KIF15: variants seen among roughly 807,000 people sequenced by gnomAD.
The protein encoded by KIF15 is kinesin family member 15, also known as kinesin-like protein KIF15.
A neutral mutation model predicts 190.6 loss-of-function variants in KIF15; 140 were observed. The observed-to-expected ratio is 0.73, with a 90% CI of 0.64 to 0.84. KIF15 has a LOEUF of 0.84. Among genes scored for constraint, KIF15 ranks in the 40% least tolerant of loss-of-function variants. The probability of loss-of-function intolerance (pLI) is 0.00; values close to 1 mark genes in which losing one functional copy is unlikely to be tolerated. For missense variants in KIF15, 1,372 were observed against 1,584.4 expected (o/e 0.87, Z 2.28); for synonymous variants, 528 against 551.3 (o/e 0.96, Z 0.59).
chr3:44,829,997 G>A lies in KIF15; in HGVS notation c.2970G>A (p.Gln990=). 6.3e-7 allele frequency: 1 copy of A among 1,594,606 alleles called. No individual in the cohort carries two copies. Among genetic ancestry groups the A allele is most frequent in the Non-Finnish European group, 8.5e-7 (1 of 1,172,338 alleles). The change falls in exon 25 of 35, where the codon CAG becomes CAA. Residue 990 remains glutamine (Q), a synonymous_variant. Coordinates refer to ENST00000326047, the MANE Select transcript of KIF15 (RefSeq NM_020242.3). ...AAGTTGTAGCTGACCTCATGAACCAGATCCAGGAGCTAAGAACATCGGTCT... is the reference window on the plus strand; with the variant it reads ...AAGTTGTAGCTGACCTCATGAACCAAATCCAGGAGCTAAGAACATCGGTCT... ...DKKVVADLMN[Q]IQELRTSVCE...
intron 30 of KIF15, among the ~76,000 whole-genome samples, chr3:44,845,526 AG>A (rs1698807967): frequency 6.6e-6 from 1 of 152,050 alleles, no homozygotes; most frequent in African/African-American, 2.4e-5. Context: ...TAAAAAAAAA[AG>A]AAAGAAAGAA....
At chr3:44,856,580 T>C (rs2125736121), downstream of KIF15, among the ~76,000 whole-genome samples, 1 of 152,066 alleles carries the variant, frequency 6.6e-6, no homozygotes, top group South Asian at 2.1e-4. Flanking sequence ...AGTGGGAAAG[T>C]AGGTGGGAGT....
downstream of KIF15, among the ~76,000 whole-genome samples, chr3:44,857,625 C>T (rs901283393): frequency 2.0e-5 from 3 of 152,124 alleles, no homozygotes; most frequent in East Asian, 1.9e-4. Context: ...TCTATAGGGT[C>T]GGCTAGATTT....
chr3:44,851,745 T>A, intron 32 of KIF15, 42 bp from the exon 33 acceptor site: 3 of 1,514,380 alleles, frequency 2.0e-6, no homozygotes, highest in African/African-American at 2.8e-5. Flanking sequence ...TTTATGATTA[T>A]GTTTCTTTCA....
chr3:44,865,441 G>A (rs1699310842), intron 6 of KIF15: 1 of 466,718 alleles, frequency 2.1e-6, no homozygotes, highest in South Asian at 3.8e-5. Context: ...CTTCGCAGAT[G>A]CTGGAGATCC....
intron 11 of KIF15, 50 bp from the exon 12 acceptor site, chr3:44,801,400 T>C: frequency 9.2e-7 from 1 of 1,091,232 alleles, no homozygotes; most frequent in Admixed American, 1.9e-5. Flanking sequence ...GGTTTTGCAA[T>C]GTGATAAATA....
In KIF15 at chr3:44,761,796, TCG is replaced by T; in HGVS notation, c.-63_-62del. 1 of 1,610,354 alleles carries T rather than the reference TCG, an allele frequency of 6.2e-7. No homozygotes were observed. Among genetic ancestry groups the T allele is most frequent in the Non-Finnish European group, 8.5e-7 (1 of 1,176,678 alleles). ...GCCATCTTGAGCGGGCGGAATTCAG[TCG>T]CGCGCGGTGCAGTCGGGAGGTGGAG... On this transcript the variant is annotated 5_prime_UTR_variant, in exon 1 of 35. Transcript: ENST00000326047.
intron 19 of KIF15, among the ~76,000 whole-genome samples, chr3:44,813,611 T>G (rs958399176): frequency 4.8e-4 from 71 of 148,818 alleles, no homozygotes; most frequent in African/African-American, 1.0e-3. Flanking sequence ...GGTCATTTTT[T>G]TTTTGTTTTG....
At chr3:44,767,159 G>A (rs1360626273) in intron 1 of KIF15, among the ~76,000 whole-genome samples, 2 of 152,136 alleles carry the variant, frequency 1.3e-5, no homozygotes, top group Middle Eastern at 3.4e-3. Context: ...TGGGTCAGTG[G>A]AATTCCTCAT....
intron 33 of KIF15, 25 bp downstream of exon 33, chr3:44,851,977 A>G: frequency 1.2e-6 from 2 of 1,602,220 alleles, no homozygotes; most frequent in South Asian, 1.1e-5. Context: ...TGGTGTTTTC[A>G]TGATACTTAG....
intron 20 of KIF15, among the ~76,000 whole-genome samples, chr3:44,821,091 A>C (rs1295394276): frequency 5.8e-4 from 55 of 94,194 alleles, no homozygotes; most frequent in South Asian, 7.6e-4. Flanking sequence ...GACCCCCCCC[A>C]CCTCCCTCCC....
chr3:44,828,737 G>A (rs1017464577), intron 24 of KIF15, among the ~76,000 whole-genome samples: 1 of 152,162 alleles, frequency 6.6e-6, no homozygotes, highest in Non-Finnish European at 1.5e-5. Context: ...CAAAACAAAT[G>A]ATTAAATGAA....
Position 44,830,916 on chromosome 3 carries a change from G to C in KIF15, c.3069G>C (p.Leu1023Phe). 1.2e-6 allele frequency: 2 copies of C among 1,613,760 alleles called. No individual in the cohort carries two copies. The highest frequency in any genetic ancestry group is 2.2e-5 in the South Asian group (2 of 91,028). ...TACAGTGCAAATACAACTCTGCTTT[G>C]GTTGACAGAGAAGAGAGCAGAGTGT... ...KDINCKYNSA[L>F]VDREESRVLI... Residue 1023 changes from leucine to phenylalanine, a missense_variant, in exon 26 of 35, where the codon TTG becomes TTC. Coordinates refer to ENST00000326047, the MANE Select transcript of KIF15 (RefSeq NM_020242.3).
chr3:44,775,338 A>G lies in KIF15; in HGVS notation c.147A>G (p.Leu49=), dbSNP rs770784938. Reference sequence around the variant, plus strand: ...GGTCAGCTGATGGAGAGCAGAACTTATGCTTATCTGTGCTGTCCTCCACGA... The same window carrying G: ...GGTCAGCTGATGGAGAGCAGAACTTGTGCTTATCTGTGCTGTCCTCCACGA... ...RSGSADGEQN[L]CLSVLSSTSL... is the part of the protein sequence containing the mutation. Residue 49 remains leucine, a synonymous_variant, in exon 3 of 35, where the codon TTA becomes TTG. Transcript: ENST00000326047. The G allele has an allele frequency of 3.7e-6, 6 of 1,614,052 alleles. No individual in the cohort carries two copies. The highest frequency in any genetic ancestry group is 1.1e-5 in the South Asian group (1 of 91,080).
At position 44,775,347 on chromosome 3, in the gene KIF15, T is replaced by A. The variant is rs1705824548; in HGVS notation, c.156T>A (p.Ser52=). The change falls in exon 3 of 35, where the codon TCT becomes TCA. Residue 52 remains serine, a synonymous_variant. Transcript: ENST00000326047. ...ATGGAGAGCAGAACTTATGCTTATCTGTGCTGTCCTCCACGAGTCTCCGGC... is the reference window on the plus strand; with the variant it reads ...ATGGAGAGCAGAACTTATGCTTATCAGTGCTGTCCTCCACGAGTCTCCGGC... The part of the protein sequence containing the change: ...SADGEQNLCL[S]VLSSTSLRLH... 2.3e-5 allele frequency: 37 copies of A among 1,614,096 alleles called. No homozygotes were observed. Among genetic ancestry groups the A allele is most frequent in the Non-Finnish European group, 3.0e-5 (35 of 1,179,956 alleles).
intron 7 of KIF15, among the ~76,000 whole-genome samples, chr3:44,790,956 C>T (rs544856672): frequency 6.6e-6 from 1 of 152,306 alleles, no homozygotes; most frequent in East Asian, 1.9e-4. Context: ...GCTGGGATTA[C>T]AGGCGCGAGC....
chr3:44,801,466 C>CT lies in KIF15; in HGVS notation c.1240dup (p.Tyr414LeufsTer13). The CT allele has an allele frequency of 6.4e-7, 1 of 1,568,986 alleles. No individual in the cohort carries two copies. The highest frequency in any genetic ancestry group is 1.1e-5 in the South Asian group (1 of 89,264). ...CAATTACAGACAAAAAGAAGACTAA[C>CT]TATATGGAGTATTTCCAGGAAGCAA... On this transcript the variant is annotated frameshift_variant, in exon 12 of 35. Transcript: ENST00000326047. LOFTEE classifies it high-confidence loss of function.
intron 7 of KIF15, among the ~76,000 whole-genome samples, chr3:44,787,894 A>C (rs576231399): frequency 5.9e-5 from 9 of 151,954 alleles, no homozygotes; most frequent in Non-Finnish European, 8.8e-5. Context: ...TTGCTCTGTC[A>C]CCCAGGCTGG....
chr3:44,839,367 C>A (rs1698481886), intron 27 of KIF15, among the ~76,000 whole-genome samples: 1 of 150,248 alleles, frequency 6.7e-6, no homozygotes, highest in African/African-American at 2.5e-5. Context: ...AGAGAGACTC[C>A]ATCTCAAAAA....
Sources: gnomAD v4.1 joint callset for allele counts (sites outside exome capture counted in the v4.1 genomes callset) on GRCh38, gnomAD v4.1.1 for gene constraint, MANE v1.5 for transcripts, NCBI Gene and HGNC (gene_info 2026-07-23, HGNC 2026-07-21) for gene names.